Variants in CDH7 observed in about 807,000 individuals in gnomAD.
The protein encoded by CDH7 is cadherin-7.
CDH7 carries 25 observed loss-of-function variants against 71.8 expected under a neutral mutation model. The ratio of observed to expected loss-of-function variants is 0.35; its 90% CI spans 0.25 to 0.49. The LOEUF (loss-of-function observed/expected upper bound fraction) is 0.49. Among genes scored for constraint, CDH7 ranks in the 20% least tolerant of loss-of-function variants. The pLI is 0.99. For missense variants in CDH7, 862 were observed against 974.6 expected, an observed-to-expected ratio of 0.88 and a Z score of 1.54; for synonymous variants, 381 against 363.8, an observed-to-expected ratio of 1.05 and a Z score of -0.54.
At chr18:65,866,927 G>A (rs936403684) in intron 11 of CDH7, among the ~76,000 whole-genome samples, 2 of 151,798 alleles carry the variant, frequency 1.3e-5, no homozygotes, top group Non-Finnish European at 2.9e-5. Context: ...AATGAGATAA[G>A]CTATTGCTAT....
intron 11 of CDH7, chr18:65,865,302 A>G (rs567922255): frequency 2.6e-5 from 4 of 152,134 alleles, no homozygotes; most frequent in Admixed American, 2.0e-4. Flanking sequence ...CATATACAGT[A>G]TGTGCATGTA....
intron 11 of CDH7, among the ~76,000 whole-genome samples, chr18:65,879,937 A>G (rs983928263): frequency 6.6e-6 from 1 of 152,200 alleles, no homozygotes. Flanking sequence ...AGGAGTAGGC[A>G]TTTCTTCAAA....
At chr18:65,794,220 T>C (rs560024762) in intron 2 of CDH7, among the ~76,000 whole-genome samples, 4 of 152,128 alleles carry the variant, frequency 2.6e-5, no homozygotes, top group Admixed American at 2.6e-4. Context: ...TACATTACAG[T>C]CAATGAGACC....
intron 3 of CDH7, among the ~76,000 whole-genome samples, chr18:65,812,261 T>C (rs541216387): frequency 6.6e-6 from 1 of 151,988 alleles, no homozygotes; most frequent in African/African-American, 2.4e-5. Context: ...ACCTGGCCCA[T>C]ATCACAGTGC....
chr18:65,775,132 A>G (rs910583400), intron 2 of CDH7, among the ~76,000 whole-genome samples: 2 of 152,182 alleles, frequency 1.3e-5, no homozygotes, highest in Admixed American at 1.3e-4. Flanking sequence ...AGCAATTCCT[A>G]TGTTGTATGA....
intron 2 of CDH7, among the ~76,000 whole-genome samples, chr18:65,794,666 G>C (rs562158318): frequency 1.8e-4 from 28 of 152,072 alleles, no homozygotes; most frequent in African/African-American, 6.7e-4. Context: ...GATTTTTCGT[G>C]TGGGGAAATG....
rs978445914 is a variant in CDH7, at chr18:65,824,707, C to T, written c.857C>T (p.Ala286Val). The T allele has an allele frequency of 6.2e-7, 1 of 1,612,262 alleles. No individual in the cohort carries two copies. Residue 286 changes from alanine (A) to valine (V), a missense_variant, in exon 6 of 12, where the codon GCT (alanine) becomes GTT (valine). Physicochemically the swap from Ala to Val is moderately conservative, Grantham distance 64 (BLOSUM62 0). Coordinates refer to ENST00000397968, the MANE Select transcript of CDH7 (RefSeq NM_004361.5). ...GCCTCAGTTGTGGCCAGAATTAAAG[C>T]TGCTGATGCAGATATTGGAGCTAAT... ...PVASVVARIK[A>V]ADADIGANAE...
chr18:65,765,877 G>A (rs912733753), intron 2 of CDH7, among the ~76,000 whole-genome samples: 1 of 151,942 alleles, frequency 6.6e-6, no homozygotes, highest in East Asian at 1.9e-4. Flanking sequence ...CTATAAAATA[G>A]AAAAATGGTA....
chr18:65,781,750 A>ATTTC (rs879796330), intron 2 of CDH7, among the ~76,000 whole-genome samples: 24,785 of 77,178 alleles, frequency 0.32, 5,984 homozygotes, highest in East Asian at 0.44. Flanking sequence ...CTATTGGTTG[A>ATTTC]TTTCTTTCTT....
intron 9 of CDH7, 80 bp downstream of exon 9, chr18:65,859,126 C>G (rs1599057072): frequency 7.5e-7 from 1 of 1,328,404 alleles, no homozygotes; most frequent in Admixed American, 1.8e-5. Flanking sequence ...TGAAATTCTT[C>G]CAGCTTTAAG....
At position 65,780,046 on chromosome 18, in the gene CDH7, G is replaced by A. The variant is rs1254649836; in HGVS notation, c.210+16994G>A. Among the ~76,000 whole-genome samples the A allele has an allele frequency of 1.8e-5, 2 of 109,848 alleles. 1 individual carries two copies. 72.1% of individuals were successfully genotyped at this position (109,848 alleles called of 152,430 possible). A position where few individuals can be genotyped will look rare whatever the true frequency, so the allele number is the denominator to read the frequency against. ...TAGTGGTTTTGATTTGCATCTCTCT[G>A]ATGGCCAGTGATGATGAGCATTTCT... is the stretch of plus-strand genomic sequence containing the variant. On this transcript the variant is annotated intron_variant, in intron 2 of 11. Coordinates refer to ENST00000397968, the MANE Select transcript of CDH7 (RefSeq NM_004361.5).
intron 6 of CDH7, among the ~76,000 whole-genome samples, chr18:65,828,112 C>T (rs1912198525): frequency 6.6e-6 from 1 of 151,244 alleles, no homozygotes; most frequent in African/African-American, 2.4e-5. Context: ...TCCAAAGCTC[C>T]CTCCACCTCC....
At chr18:65,832,086 G>A (rs1197987530) in intron 6 of CDH7, among the ~76,000 whole-genome samples, 5 of 152,178 alleles carry the variant, frequency 3.3e-5, no homozygotes, top group Non-Finnish European at 5.9e-5. Context: ...ATGTCCATCT[G>A]GATAGAGTCA....
intron 5 of CDH7, 51 bp downstream of exon 5, chr18:65,822,299 T>G: frequency 2.2e-6 from 3 of 1,387,746 alleles, no homozygotes; most frequent in Non-Finnish European, 3.0e-6. Flanking sequence ...CCTGAAAGTC[T>G]ATAAAATACA....
intron 6 of CDH7, among the ~76,000 whole-genome samples, chr18:65,832,923 T>C (rs559644148): frequency 2.2e-4 from 33 of 152,260 alleles, no homozygotes; most frequent in African/African-American, 7.9e-4. Context: ...ATGGAGTTAC[T>C]ATAGAGTAAA....
chr18:65,809,574 C>T lies in CDH7; in HGVS notation c.211-130C>T, dbSNP rs11151216. The stretch of plus-strand genomic sequence containing the variant: ...TAGCCTTTCTGCTGTGCACAATAAG[C>T]GTTCAGCTTATCTTTCCAAGAACAA... On this transcript the variant is annotated intron_variant, in intron 2 of 11. Coordinates refer to ENST00000397968, the MANE Select transcript of CDH7 (RefSeq NM_004361.5). The T allele has an allele frequency of 0.98, 696,265 of 708,406 alleles. 343,149 individuals carry two copies. Among genetic ancestry groups the T allele is most frequent in the East Asian group, 1 (37,544 of 37,544 alleles). The allele number at this position is 708,406 out of a possible 1,614,324, so 43.9% of individuals were successfully genotyped here.
intron 11 of CDH7, among the ~76,000 whole-genome samples, chr18:65,869,793 A>G (rs1043183724): frequency 2.6e-5 from 4 of 152,084 alleles, no homozygotes; most frequent in African/African-American, 9.7e-5. Context: ...TGCTGATCTG[A>G]CACATAACAG....
intron 6 of CDH7, among the ~76,000 whole-genome samples, chr18:65,840,419 G>A (rs1912688065): frequency 6.6e-6 from 1 of 151,348 alleles, no homozygotes; most frequent in Admixed American, 6.6e-5. Context: ...TTTTAACCCT[G>A]GTTAAATTTC....
At chr18:65,791,210 A>T (rs1266417073) in intron 2 of CDH7, among the ~76,000 whole-genome samples, 1 of 152,182 alleles carries the variant, frequency 6.6e-6, no homozygotes, top group East Asian at 1.9e-4. Flanking sequence ...CAGAGAGTAC[A>T]TGTATGTGTG....
Sources: gnomAD v4.1 joint callset for allele counts (sites outside exome capture counted in the v4.1 genomes callset) on GRCh38, gnomAD v4.1.1 for gene constraint, MANE v1.5 for transcripts, NCBI Gene and HGNC (gene_info 2026-07-23, HGNC 2026-07-21) for gene names.